The following MIA2 variants were observed in gnomAD, a reference collection of about 807,000 sequenced individuals.
MIA2 encodes the protein MIA SH3 domain ER export factor 2.
A neutral mutation model predicts 167.8 loss-of-function variants in MIA2; 127 were observed. That is an observed-to-expected ratio of 0.76 (90% CI 0.66 to 0.88). The LOEUF is 0.88. Ranked by LOEUF, MIA2 falls within the 40% of genes least tolerant of loss-of-function variation. The probability of loss-of-function intolerance (pLI) is 0.00; values close to 1 mark genes in which losing one functional copy is unlikely to be tolerated. For missense variants in MIA2, 1,690 were observed against 1,624.7 expected, an observed-to-expected ratio of 1.04 and a Z score of -0.69; for synonymous variants, 552 against 541.9, an observed-to-expected ratio of 1.02 and a Z score of -0.26.
chr14:39,249,858 T>C (rs2152631947), intron 4 of MIA2, among the ~76,000 whole-genome samples: 1 of 152,342 alleles, frequency 6.6e-6, no homozygotes, highest in African/African-American at 2.4e-5. Context: ...CACATTTCCA[T>C]TAGAACCAGG....
In MIA2 at chr14:39,299,877, C is replaced by T. The variant is rs2062114600; in HGVS notation, c.2510C>T (p.Ala837Val). 6.2e-7 allele frequency: 1 copy of T among 1,602,572 alleles called. No homozygotes were observed. Among genetic ancestry groups the T allele is most frequent in the Non-Finnish European group, 8.5e-7 (1 of 1,177,152 alleles). The change falls in exon 14 of 29, where the codon GCT becomes GTT. Residue 837 changes from alanine (A) to valine (V), a missense_variant. Transcript: ENST00000640607. ...QESQKQLLQE[A>V]EVWKEQVSEL... is the part of the protein sequence containing the mutation. The stretch of plus-strand genomic sequence containing the variant: ...TTTCATTTTCAGCTTTTGCAAGAAG[C>T]TGAAGTATGGAAAGAACAAGTGAGT...
chr14:39,262,624 A>G (rs1418188414), intron 6 of MIA2, among the ~76,000 whole-genome samples: 2 of 152,302 alleles, frequency 1.3e-5, no homozygotes, highest in South Asian at 2.1e-4. Context: ...CATTTTCACA[A>G]TATTGATTCT....
chr14:39,317,335 A>C (rs972412467), intron 21 of MIA2, among the ~76,000 whole-genome samples: 1 of 152,218 alleles, frequency 6.6e-6, no homozygotes, highest in Admixed American at 6.5e-5. Flanking sequence ...GGGTCTGGGC[A>C]GAAGACAGTT....
chr14:39,287,228 C>T (rs933033147), intron 9 of MIA2, among the ~76,000 whole-genome samples: 3 of 152,024 alleles, frequency 2.0e-5, no homozygotes, highest in African/African-American at 7.3e-5. Context: ...CGTGCACCAC[C>T]ACGCCCAGTT....
At chr14:39,278,089 T>C (rs753136944) in intron 7 of MIA2, among the ~76,000 whole-genome samples, 1 of 152,042 alleles carries the variant, frequency 6.6e-6, no homozygotes, top group Non-Finnish European at 1.5e-5. Flanking sequence ...TTCTCCTGCC[T>C]CAGCCTCCTG....
At chr14:39,274,575 G>A (rs1211873123) in intron 6 of MIA2, among the ~76,000 whole-genome samples, 2 of 150,708 alleles carry the variant, frequency 1.3e-5, no homozygotes, top group Non-Finnish European at 3.0e-5. Flanking sequence ...ACAGGCTTAC[G>A]CCACCATGCC....
chr14:39,329,602 A>G (rs2153004356), intron 25 of MIA2, among the ~76,000 whole-genome samples: 1 of 151,728 alleles, frequency 6.6e-6, no homozygotes, highest in Non-Finnish European at 1.5e-5. Context: ...AGTTTGTCAT[A>G]AATAGCTCTT....
intron 1 of MIA2, among the ~76,000 whole-genome samples, chr14:39,236,306 T>C (rs2053744283): frequency 6.6e-6 from 1 of 152,054 alleles, no homozygotes; most frequent in Non-Finnish European, 1.5e-5. Flanking sequence ...GACTTAAGCA[T>C]GAAGGGGGCA....
At chr14:39,346,563 C>T (rs958109848) in intron 26 of MIA2, among the ~76,000 whole-genome samples, 4 of 151,748 alleles carry the variant, frequency 2.6e-5, no homozygotes, top group African/African-American at 9.7e-5. Flanking sequence ...GTGTATCAAC[C>T]AGAAGTACAC....
Position 39,303,589 on chromosome 14 carries a change from C to G in MIA2, c.2787+65C>G, listed in dbSNP as rs370042741. ...AAAGAGAACGTGGATTACTCATGTC[C>G]CAGTAAATGTTTAAAAAGTCCATTT... On this transcript the variant is annotated intron_variant, in intron 16 of 28. Transcript: ENST00000640607. The G allele has an allele frequency of 7.0e-5, 79 of 1,128,044 alleles. 1 individual carries two copies. The East Asian group carries it at 8.0e-4, about 11-fold the overall frequency. 69.9% of individuals were successfully genotyped at this position (1,128,044 alleles called of 1,614,324 possible). A position where few individuals can be genotyped will look rare whatever the true frequency, so the allele number is the denominator to read the frequency against.
intron 9 of MIA2, among the ~76,000 whole-genome samples, chr14:39,285,529 C>CA (rs1314224380): frequency 3.4e-5 from 5 of 145,686 alleles, no homozygotes; most frequent in South Asian, 2.2e-4. Context: ...GCTGACCCCC[C>CA]ACCTCCCTCC....
intron 4 of MIA2, among the ~76,000 whole-genome samples, chr14:39,252,182 C>T (rs554418267): frequency 4.3e-4 from 65 of 152,174 alleles, no homozygotes; most frequent in African/African-American, 1.5e-3. Context: ...ATGTCTATAT[C>T]TTAACCCCCA....
intron 23 of MIA2, among the ~76,000 whole-genome samples, chr14:39,356,805 A>T (rs1174735025): frequency 6.6e-6 from 1 of 152,118 alleles, no homozygotes; most frequent in African/African-American, 2.4e-5. Flanking sequence ...TTATTTCGTT[A>T]TGTACCCAGT....
intron 4 of MIA2, among the ~76,000 whole-genome samples, chr14:39,251,471 A>G (rs2054570138): frequency 6.6e-6 from 1 of 152,094 alleles, no homozygotes; most frequent in African/African-American, 2.4e-5. Flanking sequence ...ATATGAAAAT[A>G]GTATAGGGAA....
At chr14:39,234,813 C>T (rs1258634296) in intron 1 of MIA2, among the ~76,000 whole-genome samples, 2 of 151,846 alleles carry the variant, frequency 1.3e-5, no homozygotes, top group East Asian at 3.9e-4. Context: ...TTATTTATAT[C>T]ATTGAATATA....
chr14:39,330,087 T>C lies in MIA2; in HGVS notation c.3655+3065T>C, dbSNP rs181228995. 6.3e-3 allele frequency among the ~76,000 whole-genome samples: 958 copies of C among 152,304 alleles called. 4 individuals are homozygous for C. Among genetic ancestry groups the C allele is most frequent in the Non-Finnish European group, 0.011 (739 of 68,024 alleles). On this transcript the variant is annotated intron_variant, in intron 25 of 28. Transcript: ENST00000640607. ...ACCTCTGGTAGAATTTGGCTGTGAA[T>C]CCATCTGGTCCTGGACTTTTTTGGT...
chr14:39,341,439 A>G (rs2071815885), intron 25 of MIA2, among the ~76,000 whole-genome samples: 1 of 152,200 alleles, frequency 6.6e-6, no homozygotes, highest in African/African-American at 2.4e-5. Flanking sequence ...ATAAAAGTGA[A>G]ACCCTGGAAT....
intron 18 of MIA2, among the ~76,000 whole-genome samples, chr14:39,308,803 G>C (rs964673804): frequency 1.3e-5 from 2 of 152,142 alleles, no homozygotes; most frequent in African/African-American, 4.8e-5. Context: ...CTAGTTAACA[G>C]AATCCTCTTT....
intron 25 of MIA2, among the ~76,000 whole-genome samples, chr14:39,332,277 T>C (rs1326175592): frequency 6.6e-6 from 1 of 152,228 alleles, no homozygotes; most frequent in Non-Finnish European, 1.5e-5. Flanking sequence ...TCTCGTGTTG[T>C]GTTTTTTGGC....
Sources: allele counts gnomAD v4.1 joint callset (sites outside exome capture counted in the v4.1 genomes callset), GRCh38; gene constraint gnomAD v4.1.1; transcripts MANE v1.5; gene names NCBI Gene and HGNC (gene_info 2026-07-23, HGNC 2026-07-21).